The following PFKFB1 variants were observed in gnomAD, a reference collection of about 807,000 sequenced individuals.
PFKFB1 encodes the protein 6-phosphofructo-2-kinase/fructose-2,6-biphosphatase 1, also known as 6-phosphofructo-2-kinase/fructose-2,6-bisphosphatase 1.
PFKFB1 carries 34 observed loss-of-function variants against 46.4 expected under a neutral mutation model. The observed-to-expected ratio is 0.73, with a 90% CI of 0.56 to 0.98. PFKFB1 has a LOEUF of 0.98. Ranked by LOEUF, PFKFB1 falls within the 50% of genes least tolerant of loss-of-function variation. PFKFB1 has a pLI of 0.00. For synonymous variants in PFKFB1, 119 were observed against 133.8 expected, an observed-to-expected ratio of 0.89 and a Z score of 0.76; for missense variants, 393 against 376.3, an observed-to-expected ratio of 1.04 and a Z score of -0.37.
intron 10 of PFKFB1, among the ~76,000 whole-genome samples, chrX:54,942,016 G>A (rs1203783737): frequency 8.9e-6 from 1 of 112,061 alleles, no homozygotes; most frequent in African/African-American, 3.3e-5. Flanking sequence ...ATGATAGACT[G>A]GATTAAGAAA....
In PFKFB1 at chrX:54,933,396, A is replaced by G. The variant is rs1434444285; in HGVS notation, c.*7T>C. ...GGACACAGGCAGTTTGACTTCTTGG[A>G]AAGGGCTCAGTAGTGGGCTGGGACA... On this transcript the variant is annotated 3_prime_UTR_variant, in exon 14 of 14. Transcript: ENST00000375006. 8.3e-7 allele frequency: 1 copy of G among 1,200,251 alleles called. No homozygotes were observed. The highest frequency in any genetic ancestry group is 1.1e-6 in the Non-Finnish European group (1 of 885,102).
At chrX:54,973,424 T>C (rs1489384562) in intron 1 of PFKFB1, among the ~76,000 whole-genome samples, 1 of 111,485 alleles carries the variant, frequency 9.0e-6, no homozygotes, top group African/African-American at 3.3e-5. Flanking sequence ...TTCTTTTAAT[T>C]GTGATGTTAG....
chrX:54,945,721 CGTGTGTGT>C (rs779266579), intron 9 of PFKFB1, among the ~76,000 whole-genome samples, 178 bp from the exon 10 acceptor site: 3 of 88,702 alleles, frequency 3.4e-5, no homozygotes, highest in African/African-American at 8.0e-5. Context: ...TGTGTGTGTG[CGTGTGTGT>C]GTGTGTGTGT....
intron 10 of PFKFB1, among the ~76,000 whole-genome samples, chrX:54,942,767 A>T (rs1933682634): frequency 8.9e-6 from 1 of 112,369 alleles, no homozygotes; most frequent in Non-Finnish European, 1.9e-5. Context: ...GGAATAAAAA[A>T]TGTAAGGAAG....
intron 1 of PFKFB1, among the ~76,000 whole-genome samples, chrX:54,963,748 A>G (rs1934390618): frequency 8.9e-6 from 1 of 112,472 alleles, no homozygotes; most frequent in African/African-American, 3.2e-5. Context: ...AGACATAGGC[A>G]ATTTTGCACC....
intron 1 of PFKFB1, among the ~76,000 whole-genome samples, chrX:54,969,566 A>G (rs1934580931): frequency 8.9e-6 from 1 of 112,437 alleles, no homozygotes. Flanking sequence ...CAGCAGATGA[A>G]AAAAACTTTT....
At chrX:54,982,684 A>G (rs1935024582) in intron 1 of PFKFB1, among the ~76,000 whole-genome samples, 1 of 111,159 alleles carries the variant, frequency 9.0e-6, no homozygotes, top group African/African-American at 3.3e-5. Flanking sequence ...GGATTTTGGT[A>G]TCTGCAGGGG....
At chrX:54,972,184 A>G (rs1406054839) in intron 1 of PFKFB1, among the ~76,000 whole-genome samples, 1 of 111,529 alleles carries the variant, frequency 9.0e-6, no homozygotes, top group Admixed American at 9.5e-5. Context: ...TTGTACATTG[A>G]TTTTGTATCC....
At position 54,956,056 on chromosome X, in the gene PFKFB1, T is replaced by C. The variant is rs763736114; in HGVS notation, c.638+97A>G. 1.3e-5 allele frequency: 7 copies of C among 520,050 alleles called. No homozygotes were observed. In the East Asian group the frequency reaches 2.6e-4, roughly 19 times the overall value. 42.9% of individuals were successfully genotyped at this position (520,050 alleles called of 1,213,427 possible). ...TTTCCTGATATTACAGATAGAGAAG[T>C]TGAGGCCCAGCAAGGGAGGATATTT... On this transcript the variant is annotated intron_variant, in intron 7 of 13. Coordinates refer to ENST00000375006, the MANE Select transcript of PFKFB1 (RefSeq NM_002625.4).
chrX:54,967,315 T>C (rs1934504541), intron 1 of PFKFB1, among the ~76,000 whole-genome samples: 2 of 111,919 alleles, frequency 1.8e-5, no homozygotes, highest in Non-Finnish European at 3.8e-5. Flanking sequence ...GAATGAACAA[T>C]AACAAGCGAT....
upstream of PFKFB1, among the ~76,000 whole-genome samples, chrX:54,996,858 C>A (rs1935364454): frequency 9.0e-6 from 1 of 111,623 alleles, no homozygotes; most frequent in Non-Finnish European, 1.9e-5. Flanking sequence ...TTTTCAAGGT[C>A]TGGTTTGATG....
chrX:54,996,699 T>A (rs904117380), upstream of PFKFB1, among the ~76,000 whole-genome samples: 3 of 111,996 alleles, frequency 2.7e-5, no homozygotes, highest in African/African-American at 9.7e-5. Context: ...AGCCTATCTG[T>A]CCAGCCATAT....
chrX:54,956,567 T>C (rs1016464298), intron 6 of PFKFB1, among the ~76,000 whole-genome samples: 2 of 111,734 alleles, frequency 1.8e-5, no homozygotes, highest in Admixed American at 9.5e-5. Flanking sequence ...AATTGTGATA[T>C]GAGAAATGGC....
chrX:54,937,394 C>G (rs1200305447), intron 11 of PFKFB1, among the ~76,000 whole-genome samples: 1 of 112,330 alleles, frequency 8.9e-6, no homozygotes, highest in African/African-American at 3.2e-5. Flanking sequence ...CCCCATTTTA[C>G]AGATGAGGAC....
At position 54,933,475 on chromosome X, in the gene PFKFB1, C is replaced by T. The variant is rs896064195; in HGVS notation, c.1357-13G>A. The T allele has an allele frequency of 5.9e-6, 7 of 1,190,765 alleles. No individual in the cohort carries two copies. Among genetic ancestry groups the T allele is most frequent in the African/African-American group, 1.7e-5 (1 of 57,307 alleles). ...TGATGTCCACATTCTGAGGAGAGAG[C>T]GCAGGATTAATAGGAAGGAGACAGC... On this transcript the variant is annotated splice_polypyrimidine_tract_variant and intron_variant, in intron 13 of 13. Coordinates refer to ENST00000375006, the MANE Select transcript of PFKFB1 (RefSeq NM_002625.4).
chrX:54,934,803 A>T (rs1933330531), intron 12 of PFKFB1, 144 bp downstream of exon 12: 2 of 477,678 alleles, frequency 4.2e-6, no homozygotes, highest in Non-Finnish European at 7.6e-6. Flanking sequence ...CATCAGTCCC[A>T]CCCCCACCAC....
At chrX:54,982,072 C>G (rs980913889) in intron 1 of PFKFB1, among the ~76,000 whole-genome samples, 6 of 111,136 alleles carry the variant, frequency 5.4e-5, no homozygotes, top group African/African-American at 2.0e-4. Context: ...CACAAGTCAA[C>G]CAAAAATAAA....
chrX:54,978,110 C>G (rs775840522), intron 1 of PFKFB1, among the ~76,000 whole-genome samples: 2 of 110,283 alleles, frequency 1.8e-5, no homozygotes, highest in Non-Finnish European at 3.8e-5. Flanking sequence ...ATCTTGGTAC[C>G]TTCTGCTCAA....
Position 54,951,939 on chromosome X carries a change from C to T in PFKFB1, c.812G>A (p.Gly271Glu). ...GCGAACTGAGAGGCCAGAGTCACCTCCGATGCGGCCTCTGATGTTGAGTTC... is the reference window on the plus strand; with the variant it reads ...GCGAACTGAGAGGCCAGAGTCACCTTCGATGCGGCCTCTGATGTTGAGTTC... ...ESELNIRGRI[G>E]GDSGLSVRGK... Residue 271 changes from glycine (G) to glutamate (E), a missense_variant, in exon 8 of 14, where the codon GGA (glycine) becomes GAA (glutamate). Coordinates refer to ENST00000375006, the MANE Select transcript of PFKFB1 (RefSeq NM_002625.4). The T allele has an allele frequency of 8.3e-7, 1 of 1,205,990 alleles. No individual in the cohort carries two copies. Among genetic ancestry groups the T allele is most frequent in the South Asian group, 1.8e-5 (1 of 55,810 alleles).
Sources: allele counts gnomAD v4.1 joint callset (sites outside exome capture counted in the v4.1 genomes callset), GRCh38; gene constraint gnomAD v4.1.1; transcripts MANE v1.5; gene names NCBI Gene and HGNC (gene_info 2026-07-23, HGNC 2026-07-21).